Variants in CCAR2 observed in about 807,000 individuals in gnomAD.
CCAR2 encodes cell cycle and apoptosis regulator protein 2.
In CCAR2, 21 loss-of-function variants were observed where a neutral mutation model predicts 108.1. That is an observed-to-expected ratio of 0.19 (90% confidence interval 0.14 to 0.28). CCAR2 has a LOEUF of 0.28. Among genes scored for constraint, CCAR2 ranks in the 10% least tolerant of loss-of-function variants. CCAR2 has a pLI of 1.00. For missense variants in CCAR2, 1,126 were observed against 1,177.0 expected, an observed-to-expected ratio of 0.96 and a Z score of 0.63; for synonymous variants, 577 against 472.8, an observed-to-expected ratio of 1.22 and a Z score of -2.86.
At chr8:22,607,534 C>A (rs146405289) in intron 6 of CCAR2, among the ~76,000 whole-genome samples, 1 of 143,122 alleles carries the variant, frequency 7.0e-6, no homozygotes, top group Admixed American at 7.3e-5. Context: ...ATGACACGAT[C>A]TCGGCTCATT....
chr8:22,618,143 T>TC, intron 16 of CCAR2: 1 of 639,394 alleles, frequency 1.6e-6, no homozygotes. Flanking sequence ...ACAGTGGTTA[T>TC]TCACAGGCAT....
rs1801693114 is a variant in CCAR2, at chr8:22,619,830, G to C, written c.*148G>C. On this transcript the variant is annotated 3_prime_UTR_variant, in exon 21 of 21. Transcript: ENST00000308511. ...CATGCTCAGCCTCTAGGGGACGGCAGGCCATCAGGCTGGGGGCTGTGCTAT... is the reference window on the plus strand; with the variant it reads ...CATGCTCAGCCTCTAGGGGACGGCACGCCATCAGGCTGGGGGCTGTGCTAT... 1 of 790,638 alleles carries C rather than the reference G, an allele frequency of 1.3e-6. No individual in the cohort carries two copies. The highest frequency in any genetic ancestry group is 2.1e-6 in the Non-Finnish European group (1 of 482,522). The allele number at this position is 790,638 out of a possible 1,614,324, so 49.0% of individuals were successfully genotyped here.
chr8:22,614,667 C>G (rs2117447691), intron 10 of CCAR2, 164 bp downstream of exon 10: 1 of 1,048,698 alleles, frequency 9.5e-7, no homozygotes, highest in Non-Finnish European at 1.4e-6. Context: ...GCTGTTACGA[C>G]TAGTCAGAGA....
chr8:22,614,261 G>A lies in CCAR2; in HGVS notation c.874G>A (p.Asp292Asn), dbSNP rs200740265. 6.2e-7 allele frequency: 1 copy of A among 1,614,118 alleles called. No homozygotes were observed. The highest frequency in any genetic ancestry group is 1.3e-5 in the African/African-American group (1 of 75,060). Residue 292 changes from aspartate to asparagine, a missense_variant, in exon 9 of 21, where the codon GAC (aspartate) becomes AAC (asparagine). This residue lies in a region of CCAR2 where 1,013 missense variants were observed against 993.9 expected (regional missense o/e 1.02). Transcript: ENST00000308511. ...QVSSEKEAAP[D>N]AGAEPITADS... ...CTCTTCTGAAAAGGAGGCAGCTCCA[G>A]ACGCTGGTGCTGAGCCCATCACTGC...
At chr8:22,617,047 C>A (rs1217747844) in intron 14 of CCAR2, among the ~76,000 whole-genome samples, 2 of 151,400 alleles carry the variant, frequency 1.3e-5, no homozygotes, top group Non-Finnish European at 2.9e-5. Context: ...CCATGCCCAG[C>A]TAATTTTTGT....
downstream of CCAR2, chr8:22,621,047 TCTTTTGGAG>T: frequency 5.4e-6 from 1 of 185,504 alleles, no homozygotes; most frequent in East Asian, 1.5e-4. Context: ...CCAGGATGGG[TCTTTTGGAG>T]GTAGATTTGA....
At chr8:22,615,626 G>T in intron 12 of CCAR2, 30 bp downstream of exon 12, 4 of 1,613,694 alleles carry the variant, frequency 2.5e-6, no homozygotes, top group Non-Finnish European at 3.4e-6. Context: ...AGCAGCGGGG[G>T]ATATAGGTGG....
intron 15 of CCAR2, 40 bp from the exon 16 acceptor site, chr8:22,617,656 G>C (rs1460669325): frequency 3.7e-6 from 6 of 1,614,014 alleles, no homozygotes; most frequent in Non-Finnish European, 5.1e-6. Flanking sequence ...CTGTGGAGTT[G>C]GGTGGGCCCT....
chr8:22,606,820 A>G, intron 4 of CCAR2, 90 bp from the exon 5 acceptor site: 1 of 1,503,174 alleles, frequency 6.7e-7, no homozygotes, highest in Admixed American at 1.7e-5. Flanking sequence ...GGTGTGGGAA[A>G]TCTTGATGGG....
Position 22,606,163 on chromosome 8 carries a change from C to T in CCAR2, c.137C>T (p.Ala46Val), listed in dbSNP as rs1206001926. The stretch of plus-strand genomic sequence containing the variant: ...GTGGCCACAGAACTGTCCCAGAATG[C>T]CAGGCACCTTCAGGTAGGTTCGGCA... ...PPVATELSQN[A>V]RHLQGGEKQR... The change falls in exon 3 of 21, where the codon GCC (alanine) becomes GTC (valine). Residue 46 changes from alanine to valine, a missense_variant. This residue lies in a region of CCAR2 where 52 missense variants were observed against 63.7 expected (regional missense o/e 0.82). Transcript: ENST00000308511. The T allele has an allele frequency of 3.1e-6, 5 of 1,613,756 alleles. No homozygotes were observed. In the South Asian group the frequency reaches 4.4e-5, roughly 14 times the overall value.
chr8:22,618,246 G>C, intron 16 of CCAR2, 103 bp from the exon 17 acceptor site: 1 of 1,486,318 alleles, frequency 6.7e-7, no homozygotes. Context: ...ATGCATCACT[G>C]CATGTGGCCC....
chr8:22,607,778 C>T (rs893733712), intron 6 of CCAR2, among the ~76,000 whole-genome samples, 191 bp from the exon 7 acceptor site: 5 of 152,154 alleles, frequency 3.3e-5, no homozygotes, highest in Non-Finnish European at 7.4e-5. Context: ...GCACCCACCA[C>T]CATGCCCGGC....
In CCAR2 at chr8:22,605,925, A is replaced by T. The variant is rs1586944646; in HGVS notation, c.58+94A>T. 35 of 1,380,872 alleles carry T rather than the reference A, an allele frequency of 2.5e-5. No individual in the cohort carries two copies. In the East Asian group the frequency reaches 8.0e-4, roughly 32 times the overall value. 85.5% of individuals were successfully genotyped at this position (1,380,872 alleles called of 1,614,324 possible). A position where few individuals can be genotyped will look rare whatever the true frequency, so the allele number is the denominator to read the frequency against. ...CCTGGTGGAGAGCAATTTGCTGCTG[A>T]TGTTCCTCTGGAAAGCAGGAGATGC... is the stretch of plus-strand genomic sequence containing the variant. On this transcript the variant is annotated intron_variant, in intron 2 of 20. Transcript: ENST00000308511.
Position 22,615,551 on chromosome 8 carries a change from G to A in CCAR2, c.1332G>A (p.Gln444=). The part of the protein sequence containing the change: ...PTLEEWEALC[Q]QKAAEAAPPT... ...TGGAGGAGTGGGAGGCCCTGTGCCA[G>A]CAGAAAGCTGCAGAGGCAGCTCCCC... is the stretch of plus-strand genomic sequence containing the variant. The change falls in exon 12 of 21, where the codon CAG becomes CAA. Residue 444 remains glutamine (Q), a synonymous_variant. Coordinates refer to ENST00000308511, the MANE Select transcript of CCAR2 (RefSeq NM_001393997.1). 4 of 1,614,004 alleles carry A rather than the reference G, an allele frequency of 2.5e-6. No homozygotes were observed. Among genetic ancestry groups the A allele is most frequent in the Middle Eastern group, 1.7e-4 (1 of 6,060 alleles).
chr8:22,611,386 A>ATGTGTGTGTGTGTGTGTG lies in CCAR2; in HGVS notation c.585-1630_585-1629insGTGTGTGTGTGTGTGTGT, dbSNP rs200942064. Reference sequence around the variant, plus strand: ...AAAAAAAAAAAAAAAAAAAGTATATATATGTGTGTGTGTGTGTGTATGTGT... The same window carrying ATGTGTGTGTGTGTGTGTG: ...AAAAAAAAAAAAAAAAAAAGTATATATGTGTGTGTGTGTGTGTGTATGTGTGTGTGTGTGTGTATGTGT... On this transcript the variant is annotated intron_variant, in intron 7 of 20. Coordinates refer to ENST00000308511, the MANE Select transcript of CCAR2 (RefSeq NM_001393997.1). Among the ~76,000 whole-genome samples, 66 of 9,020 alleles carry ATGTGTGTGTGTGTGTGTG rather than the reference A, an allele frequency of 7.3e-3. 2 individuals are homozygous for ATGTGTGTGTGTGTGTGTG. Among genetic ancestry groups the ATGTGTGTGTGTGTGTGTG allele is most frequent in the African/African-American group, 0.02 (66 of 3,334 alleles). 5.9% of individuals were successfully genotyped at this position (9,020 alleles called of 152,430 possible).
intron 2 of CCAR2, 73 bp from the exon 3 acceptor site, chr8:22,606,012 A>C: frequency 7.0e-7 from 1 of 1,421,564 alleles, no homozygotes; most frequent in Admixed American, 1.7e-5. Flanking sequence ...CTTTGGATTT[A>C]CCACATCCTT....
intron 14 of CCAR2, 64 bp downstream of exon 14, chr8:22,616,312 C>T (rs183278880): frequency 6.7e-7 from 1 of 1,499,994 alleles, no homozygotes; most frequent in South Asian, 1.1e-5. Flanking sequence ...TTACCCCGGG[C>T]TCTGTTCCGA....
At chr8:22,616,511 T>G (rs1801514853) in intron 14 of CCAR2, 1 of 518,324 alleles carries the variant, frequency 1.9e-6, no homozygotes, top group Non-Finnish European at 3.5e-6. Context: ...TTTGATTGCC[T>G]GATGGTTAAC....
rs534556020 is a variant in CCAR2, at chr8:22,614,029, A to G, written c.705-63A>G. 4.8e-6 allele frequency: 7 copies of G among 1,463,144 alleles called. No homozygotes were observed. The East Asian group carries it at 9.1e-5, about 19-fold the overall frequency. The allele number at this position is 1,463,144 out of a possible 1,614,324, so 90.6% of individuals were successfully genotyped here. A position where few individuals can be genotyped will look rare whatever the true frequency, so the allele number is the denominator to read the frequency against. On this transcript the variant is annotated intron_variant, in intron 8 of 20. Coordinates refer to ENST00000308511, the MANE Select transcript of CCAR2 (RefSeq NM_001393997.1). ...ATTCGCCCATTTTTTCAAATCTTTGATGGTTTCATTTCGAATGTTTTAGTC... is the reference window on the plus strand; with the variant it reads ...ATTCGCCCATTTTTTCAAATCTTTGGTGGTTTCATTTCGAATGTTTTAGTC...
Sources: allele counts gnomAD v4.1 joint callset (sites outside exome capture counted in the v4.1 genomes callset), GRCh38; gene constraint gnomAD v4.1.1; regional missense constraint gnomAD v4.1.1; transcripts MANE v1.5; gene names NCBI Gene and HGNC (gene_info 2026-07-23, HGNC 2026-07-21).